The following TAOK1 variants were observed in gnomAD, a reference collection of about 807,000 sequenced individuals.
TAOK1 encodes serine/threonine-protein kinase TAO1.
In TAOK1, 21 loss-of-function variants were observed where a neutral mutation model predicts 138.3. The observed-to-expected ratio is 0.15, with a 90% confidence interval of 0.11 to 0.22. TAOK1 has a LOEUF of 0.22. TAOK1 is among the 10% of genes least tolerant of loss of function. The pLI, the probability that TAOK1 is intolerant of heterozygous loss-of-function variation, is 1.00. For synonymous variants in TAOK1, 361 were observed against 398.4 expected (o/e 0.91, Z 1.12); for missense variants, 651 against 1,227.7 (o/e 0.53, Z 7.02).
chr17:29,427,800 G>A (rs750831415), intron 1 of TAOK1, among the ~76,000 whole-genome samples: 8 of 151,788 alleles, frequency 5.3e-5, no homozygotes, highest in Non-Finnish European at 1.0e-4. Flanking sequence ...GGTGGTGGAC[G>A]CCTGTAATCA....
intron 1 of TAOK1, among the ~76,000 whole-genome samples, chr17:29,405,281 C>T (rs1348593539): frequency 1.3e-5 from 2 of 152,150 alleles, no homozygotes; most frequent in Non-Finnish European, 2.9e-5. Flanking sequence ...AGCCACCTTG[C>T]CCTGCTGAAA....
intron 19 of TAOK1, among the ~76,000 whole-genome samples, chr17:29,539,630 T>C (rs1361630884): frequency 6.6e-6 from 1 of 152,178 alleles, no homozygotes; most frequent in Admixed American, 6.5e-5. Context: ...GAGATGGGAT[T>C]TCTCCATGTT....
rs1305094876 is a variant in TAOK1 at position 29,467,160 on chromosome 17, A to G, written c.148A>G (p.Thr50Ala). The change falls in exon 3 of 20, where the codon ACC becomes GCC. Residue 50 changes from threonine (T) to alanine (A), a missense_variant. Physicochemically the swap from Thr to Ala is moderately conservative, Grantham distance 58 (BLOSUM62 0). Around this residue, in one of 8 missense-constraint regions of TAOK1, gnomAD observed 116 missense variants for 213.9 expected, o/e 0.54. Transcript: ENST00000261716. ...TCTTCTTTAGGCACGAGATGTGCGT[A>G]CCAATGAAGTGGTGGCCATCAAGAA... ...GAVYFARDVR[T>A]NEVVAIKKMS... 5 of 1,602,998 alleles carry G rather than the reference A, an allele frequency of 3.1e-6. No homozygotes were observed. Among genetic ancestry groups the G allele is most frequent in the Admixed American group, 1.7e-5 (1 of 59,804 alleles).
At chr17:29,511,615 A>G (rs2031721636) in intron 15 of TAOK1, 1 of 151,900 alleles carries the variant, frequency 6.6e-6, no homozygotes. Context: ...GCACAATCAT[A>G]GCTCACTGCA....
chr17:29,530,631 T>G lies in TAOK1; in HGVS notation c.2361+12T>G. The G allele has an allele frequency of 6.2e-7, 1 of 1,612,768 alleles. No individual in the cohort carries two copies. Among genetic ancestry groups the G allele is most frequent in the African/African-American group, 1.3e-5 (1 of 75,002 alleles). On this transcript the variant is annotated intron_variant, in intron 18 of 19. Coordinates refer to ENST00000261716, the MANE Select transcript of TAOK1 (RefSeq NM_020791.4). ...TCTCCACACAAGCCGTGAGTTTGCT[T>G]TTTTTGGGGCAAAACAAATTTAGTG... is the stretch of plus-strand genomic sequence containing the variant.
At position 29,390,830 on chromosome 17, in the gene TAOK1, C is replaced by A. The variant is rs908747780; in HGVS notation, c.-289C>A. 1.3e-5 allele frequency: 2 copies of A among 150,904 alleles called. No homozygotes were observed. Among genetic ancestry groups the A allele is most frequent in the Non-Finnish European group, 3.0e-5 (2 of 67,298 alleles). The allele number at this position is 150,904 out of a possible 1,614,324, so 9.3% of individuals were successfully genotyped here. ...GACCCCGGTCGTCCCCTCGCCCCCC[C>A]CCCCACCCCCCGCCGCCGCCGCCCC... On this transcript the variant is annotated 5_prime_UTR_variant, in exon 1 of 20. Transcript: ENST00000261716.
intron 1 of TAOK1, among the ~76,000 whole-genome samples, chr17:29,421,960 C>A (rs1285962335): frequency 6.6e-6 from 1 of 152,058 alleles, no homozygotes; most frequent in African/African-American, 2.4e-5. Flanking sequence ...TGCAGTGGCA[C>A]GATCTCGGCT....
chr17:29,418,996 G>A (rs1489253623), intron 1 of TAOK1, among the ~76,000 whole-genome samples: 1 of 149,344 alleles, frequency 6.7e-6, no homozygotes, highest in Non-Finnish European at 1.5e-5. Context: ...AAGGCTGCTG[G>A]TTTTTTGGGA....
At chr17:29,412,160 G>T (rs913189098) in intron 1 of TAOK1, among the ~76,000 whole-genome samples, 1 of 151,548 alleles carries the variant, frequency 6.6e-6, no homozygotes, top group Non-Finnish European at 1.5e-5. Flanking sequence ...CTCCTGCCTC[G>T]GCCTCCCGAG....
At chr17:29,399,571 T>C (rs1221682279) in intron 1 of TAOK1, among the ~76,000 whole-genome samples, 1 of 152,196 alleles carries the variant, frequency 6.6e-6, no homozygotes, top group Non-Finnish European at 1.5e-5. Flanking sequence ...CGCCTTGGCC[T>C]CCCAAAGTGC....
intron 16 of TAOK1, among the ~76,000 whole-genome samples, chr17:29,518,607 C>CA (rs1416089423): frequency 1.3e-5 from 2 of 152,162 alleles, no homozygotes; most frequent in African/African-American, 4.8e-5. Context: ...CTGACTCCCT[C>CA]ACTACAATGG....
rs191959071 is a variant in TAOK1 at position 29,515,147 on chromosome 17, T to C, written c.1705-2306T>C. The C allele has an allele frequency of 3.3e-5, 5 of 152,300 alleles. No individual in the cohort carries two copies. In the East Asian group the frequency reaches 9.6e-4, roughly 29 times the overall value. 9.4% of individuals were successfully genotyped at this position (152,300 alleles called of 1,614,324 possible). ...GTGGAAAATCATTAATTTTGATTTG[T>C]TCAGTGGTTATTAATGCTGAAAATT... On this transcript the variant is annotated intron_variant, in intron 15 of 19. Transcript: ENST00000261716.
At chr17:29,490,597 A>G (rs2031278182) in intron 9 of TAOK1, among the ~76,000 whole-genome samples, 1 of 152,202 alleles carries the variant, frequency 6.6e-6, no homozygotes. Flanking sequence ...CTCTGTGCCA[A>G]AAGATTCTTT....
At chr17:29,433,641 CAGA>C (rs1905926374) in intron 1 of TAOK1, among the ~76,000 whole-genome samples, 2 of 151,974 alleles carry the variant, frequency 1.3e-5, no homozygotes, top group African/African-American at 4.8e-5. Flanking sequence ...TCCACAAGGC[CAGA>C]GTCTCCTGCT....
At chr17:29,477,214 G>A (rs1455287572) in intron 4 of TAOK1, among the ~76,000 whole-genome samples, 1 of 152,092 alleles carries the variant, frequency 6.6e-6, no homozygotes, top group African/African-American at 2.4e-5. Context: ...ACCCACAGAT[G>A]TGAAGGGCTG....
chr17:29,534,290 T>C lies in TAOK1; in HGVS notation c.2534T>C (p.Leu845Ser). ...AGGGTCTCCCTCCGGAGGGCACTCT[T>C]AGAACAAAAGGTATAAGTAATAGAA... ...EQRVSLRRAL[L>S]EQKIEEEMLA... Residue 845 changes from leucine (L) to serine (S), a missense_variant, in exon 19 of 20, where the codon TTA becomes TCA. Leu to Ser is a moderately radical substitution (Grantham distance 145). Transcript: ENST00000261716. 1 of 1,594,434 alleles carries C rather than the reference T, an allele frequency of 6.3e-7. No homozygotes were observed. The highest frequency in any genetic ancestry group is 8.5e-7 in the Non-Finnish European group (1 of 1,172,212).
intron 1 of TAOK1, among the ~76,000 whole-genome samples, chr17:29,396,620 A>G (rs1904608604): frequency 6.6e-6 from 1 of 152,230 alleles, no homozygotes; most frequent in Admixed American, 6.5e-5. Flanking sequence ...TTCAAAGTTT[A>G]GTTTCTGAGA....
intron 12 of TAOK1, among the ~76,000 whole-genome samples, chr17:29,501,221 TAAAAAAAAAAAA>T (rs66503222): frequency 2.5e-5 from 3 of 120,638 alleles, no homozygotes; most frequent in African/African-American, 6.4e-5. Flanking sequence ...CCCATCTGTT[TAAAAAAAAAAAA>T]AAAAAAAAAG....
chr17:29,495,465 TTATC>T, intron 10 of TAOK1, 91 bp from the exon 11 acceptor site: 1 of 1,014,964 alleles, frequency 9.9e-7, no homozygotes, highest in Non-Finnish European at 1.4e-6. Flanking sequence ...ATTACATGCA[TTATC>T]TATCATAGGA....
Sources: gnomAD v4.1 joint callset for allele counts (sites outside exome capture counted in the v4.1 genomes callset) on GRCh38, gnomAD v4.1.1 for gene constraint, gnomAD v4.1.1 regional missense constraint, MANE v1.5 for transcripts, NCBI Gene and HGNC (gene_info 2026-07-23, HGNC 2026-07-21) for gene names.